The following XRCC4 variants were observed in gnomAD, a reference collection of about 807,000 sequenced individuals.
XRCC4 encodes the protein DNA repair protein XRCC4.
In XRCC4, 28 loss-of-function variants were observed where a neutral mutation model predicts 39.1. The ratio of observed to expected loss-of-function variants is 0.72; its 90% CI spans 0.53 to 0.98. XRCC4 has a LOEUF of 0.98. Among genes scored for constraint, XRCC4 ranks in the 50% least tolerant of loss-of-function variants. XRCC4 has a pLI of 0.00. For synonymous variants in XRCC4, 123 were observed against 126.4 expected, an observed-to-expected ratio of 0.97 and a Z score of 0.18; for missense variants, 350 against 376.4, an observed-to-expected ratio of 0.93 and a Z score of 0.58.
At chr5:83,185,440 A>T (rs1412768275) in intron 3 of XRCC4, among the ~76,000 whole-genome samples, 1 of 150,054 alleles carries the variant, frequency 6.7e-6, no homozygotes, top group Non-Finnish European at 1.5e-5. Flanking sequence ...ATATATATAT[A>T]AAACTTAATG....
intron 3 of XRCC4, among the ~76,000 whole-genome samples, chr5:83,115,430 AAAACAAACAAAC>A (rs145922134): frequency 6.6e-6 from 1 of 151,544 alleles, no homozygotes; most frequent in African/African-American, 2.4e-5. Flanking sequence ...TCTGTCTCAA[AAAACAAACAAAC>A]AAACAAACAA....
At chr5:83,198,287 T>G (rs992635679) in intron 4 of XRCC4, among the ~76,000 whole-genome samples, 7 of 152,050 alleles carry the variant, frequency 4.6e-5, no homozygotes, top group African/African-American at 7.2e-5. Context: ...GAGGGTGGTG[T>G]TAAAATAGTG....
chr5:83,265,118 C>G (rs1369852741), intron 7 of XRCC4, among the ~76,000 whole-genome samples: 2 of 152,058 alleles, frequency 1.3e-5, no homozygotes, highest in African/African-American at 4.8e-5. Flanking sequence ...TTAAAAATTG[C>G]TAGCAATGTA....
chr5:83,087,675 T>TC (rs1448679102), intron 1 of XRCC4, among the ~76,000 whole-genome samples: 12 of 149,432 alleles, frequency 8.0e-5, no homozygotes, highest in Non-Finnish European at 1.3e-4. Flanking sequence ...AAAAAAAAAA[T>TC]TTTTTTTTTC....
intron 3 of XRCC4, among the ~76,000 whole-genome samples, chr5:83,191,865 A>G (rs1750710881): frequency 6.6e-6 from 1 of 152,132 alleles, no homozygotes; most frequent in African/African-American, 2.4e-5. Context: ...TCCCAGTCTC[A>G]GGTATGTCTT....
intron 7 of XRCC4, among the ~76,000 whole-genome samples, chr5:83,270,902 C>G: frequency 6.6e-6 from 1 of 151,890 alleles, no homozygotes; most frequent in Admixed American, 6.6e-5. Context: ...TCTCCTGCCT[C>G]AGCCTCCTAA....
At chr5:83,209,541 A>G (rs899052705) in intron 6 of XRCC4, among the ~76,000 whole-genome samples, 1 of 152,112 alleles carries the variant, frequency 6.6e-6, no homozygotes, top group Non-Finnish European at 1.5e-5. Context: ...AACATAATTC[A>G]AAAAGCATGC....
At chr5:83,214,142 G>GA (rs1751756725) in intron 6 of XRCC4, among the ~76,000 whole-genome samples, 1 of 151,952 alleles carries the variant, frequency 6.6e-6, no homozygotes, top group African/African-American at 2.4e-5. Flanking sequence ...CTCAATATAG[G>GA]AAAAAAACAA....
chr5:83,369,736 G>A, the XRCC4 span, among the ~76,000 whole-genome samples: 1 of 152,222 alleles, frequency 6.6e-6, no homozygotes, highest in South Asian at 2.1e-4. Flanking sequence ...TCCTTTTGGT[G>A]GAATAATTTA....
intron 6 of XRCC4, among the ~76,000 whole-genome samples, chr5:83,213,129 AT>A (rs1751719905): frequency 6.6e-6 from 1 of 152,072 alleles, no homozygotes; most frequent in South Asian, 2.1e-4. Context: ...AAAAGAAATC[AT>A]AACCAATAGT....
chr5:83,297,252 A>C (rs1172671448), intron 7 of XRCC4, among the ~76,000 whole-genome samples: 4 of 152,038 alleles, frequency 2.6e-5, no homozygotes, highest in African/African-American at 7.2e-5. Context: ...TATTTAAAAC[A>C]AGACTAAGTT....
intron 3 of XRCC4, among the ~76,000 whole-genome samples, chr5:83,125,315 T>C (rs562039565): frequency 6.6e-6 from 1 of 152,358 alleles, no homozygotes; most frequent in South Asian, 2.1e-4. Context: ...ATTTTTCTTC[T>C]ATGCTTTTGC....
At position 83,186,941 on chromosome 5, in the gene XRCC4, A is replaced by ATTTTTTTTTTTTTTT. The variant is rs770811313; in HGVS notation, c.316-8823_316-8809dup. Among the ~76,000 whole-genome samples, 119 of 87,490 alleles carry ATTTTTTTTTTTTTTT rather than the reference A, an allele frequency of 1.4e-3. 16 individuals are homozygous for ATTTTTTTTTTTTTTT. Among genetic ancestry groups the ATTTTTTTTTTTTTTT allele is most frequent in the African/African-American group, 6.7e-3 (111 of 16,630 alleles). 57.4% of individuals were successfully genotyped at this position (87,490 alleles called of 152,430 possible). A position where few individuals can be genotyped will look rare whatever the true frequency, so the allele number is the denominator to read the frequency against. On this transcript the variant is annotated intron_variant, in intron 3 of 7. Coordinates refer to ENST00000396027, the MANE Select transcript of XRCC4 (RefSeq NM_003401.5). ...TTTTGGCTCATGGCCTGCTTCTTCC[A>ATTTTTTTTTTTTTTT]TTTTTTTTTTTTTTTTTTTTGAGAC...
At chr5:83,209,083 AGTGTGTGTGT>A (rs35019637) in intron 6 of XRCC4, among the ~76,000 whole-genome samples, 165 of 143,686 alleles carry the variant, frequency 1.1e-3, no homozygotes, top group African/African-American at 3.8e-3. Context: ...CTCCAAAGTG[AGTGTGTGTGT>A]GTGTGTGTGT....
chr5:83,167,540 G>C (rs1749538983), intron 3 of XRCC4, among the ~76,000 whole-genome samples: 1 of 152,140 alleles, frequency 6.6e-6, no homozygotes, highest in Non-Finnish European at 1.5e-5. Context: ...TGGCCAGGGG[G>C]TCATTTGGTC....
intron 3 of XRCC4, among the ~76,000 whole-genome samples, chr5:83,187,320 C>T (rs905439076): frequency 1.3e-5 from 2 of 152,112 alleles, no homozygotes; most frequent in Non-Finnish European, 2.9e-5. Flanking sequence ...CAGCCAGGAA[C>T]GTGTCTCTAA....
At chr5:83,277,668 A>G (rs1220844448) in intron 7 of XRCC4, among the ~76,000 whole-genome samples, 1 of 152,232 alleles carries the variant, frequency 6.6e-6, no homozygotes, top group Non-Finnish European at 1.5e-5. Flanking sequence ...TAATATCATT[A>G]CCATGAAGTG....
intron 3 of XRCC4, among the ~76,000 whole-genome samples, chr5:83,133,462 G>A (rs183202918): frequency 6.6e-6 from 1 of 152,182 alleles, no homozygotes; most frequent in South Asian, 2.1e-4. Flanking sequence ...GCTGCCTTTT[G>A]TTTAGCTAGG....
chr5:83,138,860 T>TTA (rs778394741), intron 3 of XRCC4, among the ~76,000 whole-genome samples: 47 of 152,096 alleles, frequency 3.1e-4, no homozygotes, highest in Non-Finnish European at 4.9e-4. Context: ...TTCTGGCTTG[T>TTA]TATAGTTCTT....
Sources: allele counts gnomAD v4.1 joint callset (sites outside exome capture counted in the v4.1 genomes callset), GRCh38; gene constraint gnomAD v4.1.1; transcripts MANE v1.5; gene names NCBI Gene and HGNC (gene_info 2026-07-23, HGNC 2026-07-21).